The following ZNF697 variants were observed in gnomAD, a reference collection of about 807,000 sequenced individuals.
The protein encoded by ZNF697 is zinc finger protein 697.
In ZNF697, 23 loss-of-function variants were observed where a neutral mutation model predicts 32.4. The ratio of observed to expected loss-of-function variants is 0.71; its 90% CI spans 0.51 to 1.01. The LOEUF is 1.01. Ranked by LOEUF, ZNF697 falls within the 50% of genes least tolerant of loss-of-function variation. The probability of loss-of-function intolerance (pLI) is 0.00; values close to 1 mark genes in which losing one functional copy is unlikely to be tolerated. For missense variants in ZNF697, 930 were observed against 794.0 expected (o/e 1.17, Z -2.06); for synonymous variants, 418 against 337.2 (o/e 1.24, Z -2.62).
At chr1:119,642,406 C>T (rs988514151) in intron 1 of ZNF697, among the ~76,000 whole-genome samples, 2 of 152,058 alleles carry the variant, frequency 1.3e-5, no homozygotes, top group African/African-American at 4.8e-5. Context: ...ATAAGTTGTA[C>T]CAAATGTATC....
Position 119,622,673 on chromosome 1 carries a change from C to T in ZNF697, c.*32G>A. 1.3e-6 allele frequency: 2 copies of T among 1,482,378 alleles called. No individual in the cohort carries two copies. The highest frequency in any genetic ancestry group is 2.2e-4 in the Middle Eastern group (1 of 4,604). The allele number at this position is 1,482,378 out of a possible 1,614,324, so 91.8% of individuals were successfully genotyped here. On this transcript the variant is annotated 3_prime_UTR_variant, in exon 3 of 3. Coordinates refer to ENST00000421812, the MANE Select transcript of ZNF697 (RefSeq NM_001080470.2). ...CCAGGATATCTACCCCCCACAGGCT[C>T]CCCAGACGGCAGCCTCCCGCGGACC...
chr1:119,645,851 A>T (rs1649187599), intron 1 of ZNF697, among the ~76,000 whole-genome samples: 1 of 152,152 alleles, frequency 6.6e-6, no homozygotes, highest in South Asian at 2.1e-4. Context: ...CAAGCTCCAG[A>T]CCTCTTACTG....
chr1:119,625,175 G>A (rs76307422), intron 2 of ZNF697, among the ~76,000 whole-genome samples: 3,589 of 152,180 alleles, frequency 0.024, 157 homozygotes, highest in African/African-American at 0.083. Flanking sequence ...CACTGCGGAG[G>A]AGGGCAGCAG....
At chr1:119,637,821 GA>G (rs587689717) in intron 1 of ZNF697, among the ~76,000 whole-genome samples, 4 of 150,976 alleles carry the variant, frequency 2.6e-5, no homozygotes, top group Admixed American at 6.6e-5. Context: ...TTGTTGGCTA[GA>G]AAAAAAAAGC....
intron 1 of ZNF697, among the ~76,000 whole-genome samples, chr1:119,639,899 C>T (rs777830020): frequency 1.3e-5 from 2 of 152,154 alleles, no homozygotes; most frequent in Non-Finnish European, 2.9e-5. Flanking sequence ...AGCCATACGA[C>T]CTGTGTGAAT....
intron 1 of ZNF697, among the ~76,000 whole-genome samples, chr1:119,646,736 C>T (rs1649215528): frequency 6.6e-6 from 1 of 152,110 alleles, no homozygotes; most frequent in Non-Finnish European, 1.5e-5. Context: ...CAGTTGGGGG[C>T]ATCAACAAAA....
intron 1 of ZNF697, among the ~76,000 whole-genome samples, chr1:119,630,100 T>C (rs587607069): frequency 6.6e-6 from 1 of 152,338 alleles, no homozygotes; most frequent in Admixed American, 6.5e-5. Flanking sequence ...GTGGTGGGCA[T>C]ACAAAACTAA....
At position 119,626,103 on chromosome 1, in the gene ZNF697, A is replaced by G; in HGVS notation, c.-3T>C. The G allele has an allele frequency of 1.2e-6, 2 of 1,613,872 alleles. No homozygotes were observed. The highest frequency in any genetic ancestry group is 1.7e-6 in the Non-Finnish European group (2 of 1,179,810). ...CCCTGATTATCTTCTTGTTTCATCC[A>G]GGAAGAAAAGAGCAAGGGAGGTGAC... On this transcript the variant is annotated 5_prime_UTR_variant, in exon 2 of 3. Transcript: ENST00000421812.
At position 119,625,887 on chromosome 1, in the gene ZNF697, C is replaced by G. The variant is rs756488029; in HGVS notation, c.214G>C (p.Asp72His). 6.2e-7 allele frequency: 1 copy of G among 1,613,604 alleles called. No individual in the cohort carries two copies. The highest frequency in any genetic ancestry group is 2.2e-5 in the East Asian group (1 of 44,888). The change falls in exon 2 of 3, where the codon GAC becomes CAC. Residue 72 changes from aspartate (D) to histidine (H), a missense_variant. By Grantham distance (81) the Asp-to-His change is moderately conservative. Transcript: ENST00000421812. ...GCTTTCTCCTCACCTGTGCAGATGT[C>G]GGGCACTGCTTCCCTGTGCCTTGAG... ...QDSRHREAVP[D>H]ICTEGQLSEE... is the part of the protein sequence containing the mutation.
Position 119,622,552 on chromosome 1 carries a change from C to G in ZNF697, c.*153G>C. On this transcript the variant is annotated 3_prime_UTR_variant, in exon 3 of 3. Transcript: ENST00000421812. ...GGGAAAGACCAACTTACTCAACACT[C>G]CTCCCACTTCAGGAAACCCCAAACA... 1 of 1,362,154 alleles carries G rather than the reference C, an allele frequency of 7.3e-7. No homozygotes were observed. Among genetic ancestry groups the G allele is most frequent in the Non-Finnish European group, 9.6e-7 (1 of 1,037,950 alleles). 84.4% of individuals were successfully genotyped at this position (1,362,154 alleles called of 1,614,324 possible).
At chr1:119,628,055 C>T (rs587771247) in intron 1 of ZNF697, among the ~76,000 whole-genome samples, 3 of 110,116 alleles carry the variant, frequency 2.7e-5, no homozygotes, top group East Asian at 5.0e-4. Flanking sequence ...ACAGTGCAGG[C>T]GTTGGCGGGG....
Position 119,622,971 on chromosome 1 carries a change from C to G in ZNF697, c.1372G>C (p.Val458Leu). ...CGGAAGGGCTTCTCGCCGGTGTGCA[C>G]GCGCAGGTGGTTCACCAGGTGCGAG... ...RNSHLVNHLR[V>L]HTGEKPFRCG... The change falls in exon 3 of 3, where the codon GTG becomes CTG. Residue 458 changes from valine to leucine, a missense_variant. Transcript: ENST00000421812. The G allele has an allele frequency of 2.5e-6, 4 of 1,599,258 alleles. No homozygotes were observed. The highest frequency in any genetic ancestry group is 3.4e-6 in the Non-Finnish European group (4 of 1,171,512).
intron 1 of ZNF697, among the ~76,000 whole-genome samples, chr1:119,644,884 G>A (rs947101534): frequency 6.6e-6 from 1 of 152,108 alleles, no homozygotes; most frequent in Admixed American, 6.5e-5. Context: ...AGATTGCTTG[G>A]GCTATAAAAA....
Position 119,625,951 on chromosome 1 carries a change from TTC to T in ZNF697, c.148_149del (p.Glu50ArgfsTer31). 6.2e-7 allele frequency: 1 copy of T among 1,614,066 alleles called. No homozygotes were observed. Among genetic ancestry groups the T allele is most frequent in the Non-Finnish European group, 8.5e-7 (1 of 1,179,904 alleles). ...GSNPHDTNKR[E>X]GHPEPEMGSN... ...AGCCCATCTCCGGCTCCGGATGGCC[TTC>T]TCTCTTGTTTGTGTCATGTGGATTA... On this transcript the variant is annotated frameshift_variant, in exon 2 of 3. Transcript: ENST00000421812. LOFTEE classifies it high-confidence loss of function.
At chr1:119,646,829 T>G (rs1649218346) in intron 1 of ZNF697, among the ~76,000 whole-genome samples, 1 of 152,182 alleles carries the variant, frequency 6.6e-6, no homozygotes, top group African/African-American at 2.4e-5. Context: ...ACACTTGGAC[T>G]GTATTCAAAG....
In ZNF697 at chr1:119,620,642, A is replaced by C. The variant is rs587733480; in HGVS notation, c.*2063T>G. On this transcript the variant is annotated 3_prime_UTR_variant, in exon 3 of 3. Transcript: ENST00000421812. ...AAGAAAATGAGAATTAATGTCTTTC[A>C]AAACTGTCTGTAGTTTGAAAACCTA... is the stretch of plus-strand genomic sequence containing the variant. 6.5e-6 allele frequency: 1 copy of C among 152,796 alleles called. No homozygotes were observed. The highest frequency in any genetic ancestry group is 1.9e-4 in the East Asian group (1 of 5,190). The allele number at this position is 152,796 out of a possible 1,614,324, so 9.5% of individuals were successfully genotyped here.
intron 1 of ZNF697, among the ~76,000 whole-genome samples, chr1:119,630,081 A>AGGAATAGAAGTTTAAGGGGGAAAT (rs2101085179): frequency 6.6e-6 from 1 of 152,352 alleles, no homozygotes; most frequent in African/African-American, 2.4e-5. Context: ...AAGGGGGAAA[A>AGGAATAGAAGTTTAAGGGGGAAAT]GCAATAGAGT....
chr1:119,628,372 G>C (rs760217107), intron 1 of ZNF697, among the ~76,000 whole-genome samples: 5 of 152,292 alleles, frequency 3.3e-5, no homozygotes, highest in South Asian at 2.1e-4. Context: ...TTTCTGATTT[G>C]TGATTTATTG....
Position 119,634,453 on chromosome 1 carries a change from G to T in ZNF697, c.-37-8316C>A, listed in dbSNP as rs587684850. On this transcript the variant is annotated intron_variant, in intron 1 of 2. Transcript: ENST00000421812. ...GATATCTTCCAAAAAGAAAAAACAGGAATAAAAATGTAAAGAAGTCACCTG... is the reference window on the plus strand; with the variant it reads ...GATATCTTCCAAAAAGAAAAAACAGTAATAAAAATGTAAAGAAGTCACCTG... Among the ~76,000 whole-genome samples the T allele has an allele frequency of 1.3e-4, 20 of 152,290 alleles. No homozygotes were observed. In the South Asian group the frequency reaches 4.2e-3, roughly 32 times the overall value.
Sources: allele counts gnomAD v4.1 joint callset (sites outside exome capture counted in the v4.1 genomes callset), GRCh38; gene constraint gnomAD v4.1.1; transcripts MANE v1.5; gene names NCBI Gene and HGNC (gene_info 2026-07-23, HGNC 2026-07-21).